Variants in RHOBTB3 observed in about 807,000 individuals in gnomAD.
RHOBTB3 encodes the protein Rho related BTB domain containing 3.
A neutral mutation model predicts 67.2 loss-of-function variants in RHOBTB3; 47 were observed. The ratio of observed to expected loss-of-function variants is 0.70; its 90% CI spans 0.55 to 0.89. The LOEUF is 0.89. Ranked by LOEUF, RHOBTB3 falls within the 40% of genes least tolerant of loss-of-function variation. The probability of loss-of-function intolerance (pLI) is 0.00; values close to 1 mark genes in which losing one functional copy is unlikely to be tolerated. For missense variants in RHOBTB3, 631 were observed against 750.0 expected, an observed-to-expected ratio of 0.84 and a Z score of 1.85; for synonymous variants, 273 against 274.2, an observed-to-expected ratio of 1.00 and a Z score of 0.04.
intron 8 of RHOBTB3, among the ~76,000 whole-genome samples, chr5:95,773,513 C>T (rs560935684): frequency 6.6e-6 from 1 of 152,314 alleles, no homozygotes; most frequent in East Asian, 1.9e-4. Context: ...CAGTTCCAGC[C>T]TTGGCTTTGC....
intron 4 of RHOBTB3, among the ~76,000 whole-genome samples, chr5:95,748,745 G>C (rs1423679784): frequency 6.6e-6 from 1 of 152,122 alleles, no homozygotes; most frequent in East Asian, 1.9e-4. Context: ...TTTGTTGTAT[G>C]TATCAAAAGC....
intron 8 of RHOBTB3, among the ~76,000 whole-genome samples, chr5:95,771,471 C>T (rs1021707723): frequency 6.6e-6 from 1 of 152,146 alleles, no homozygotes; most frequent in Non-Finnish European, 1.5e-5. Context: ...CAGTGTGAGC[C>T]TGGGACGCTG....
chr5:95,725,808 CTTT>C (rs201325391), intron 1 of RHOBTB3, among the ~76,000 whole-genome samples: 2 of 139,790 alleles, frequency 1.4e-5, no homozygotes, highest in Admixed American at 7.1e-5. Flanking sequence ...TGGAATTCTT[CTTT>C]TTTTTTTTTT....
At chr5:95,768,929 G>A (rs111526004) in intron 8 of RHOBTB3, 275 of 171,382 alleles carry the variant, frequency 1.6e-3, no homozygotes, top group Middle Eastern at 2.8e-3. Context: ...CGCCATGTGC[G>A]TCTTGCATTC....
At chr5:95,719,461 GA>G (rs1002796853) in intron 1 of RHOBTB3, among the ~76,000 whole-genome samples, 1 of 152,148 alleles carries the variant, frequency 6.6e-6, no homozygotes, top group African/African-American at 2.4e-5. Context: ...GGATATCAGG[GA>G]ATGGGGCAAG....
At chr5:95,770,764 T>C in intron 8 of RHOBTB3, 1 of 280,566 alleles carries the variant, frequency 3.6e-6, no homozygotes, top group Non-Finnish European at 7.3e-6. Flanking sequence ...CAAGGCAGTA[T>C]TTCTCACCAG....
At chr5:95,730,848 T>C (rs1271482494), upstream of RHOBTB3, 2 of 453,658 alleles carry the variant, frequency 4.4e-6, no homozygotes, top group Non-Finnish European at 8.9e-6. Flanking sequence ...AGTATGATTT[T>C]AGAAAACAGC....
At chr5:95,792,343 C>T (rs1322219245) in intron 11 of RHOBTB3, among the ~76,000 whole-genome samples, 4 of 144,088 alleles carry the variant, frequency 2.8e-5, no homozygotes, top group Admixed American at 2.2e-4. Context: ...GTCCAGATTG[C>T]GCCACTGCGC....
At chr5:95,723,899 G>C (rs983241766) in intron 1 of RHOBTB3, among the ~76,000 whole-genome samples, 2 of 152,098 alleles carry the variant, frequency 1.3e-5, no homozygotes, top group Non-Finnish European at 2.9e-5. Context: ...GAAAAAATGT[G>C]AGCACACTCC....
intron 8 of RHOBTB3, among the ~76,000 whole-genome samples, chr5:95,777,264 A>G (rs1359749320): frequency 6.6e-6 from 1 of 152,170 alleles, no homozygotes; most frequent in African/African-American, 2.4e-5. Flanking sequence ...CTTTTTTAGG[A>G]ATGAAACCAA....
chr5:95,719,528 C>G (rs1754800691), intron 1 of RHOBTB3: 1 of 152,200 alleles, frequency 6.6e-6, no homozygotes, highest in South Asian at 2.1e-4. Flanking sequence ...TACCCTGATA[C>G]TGGGTAGTGA....
intron 11 of RHOBTB3, among the ~76,000 whole-genome samples, chr5:95,792,412 A>G (rs1167272231): frequency 6.6e-6 from 1 of 150,692 alleles, no homozygotes; most frequent in African/African-American, 2.4e-5. Context: ...AGAAAAGAAA[A>G]GAAAAGAAAA....
rs34351922 is a variant in RHOBTB3 at position 95,736,888 on chromosome 5, G to A, written c.229-1G>A. On this transcript the variant is annotated splice_acceptor_variant, in intron 2 of 11. Coordinates refer to ENST00000379982, the MANE Select transcript of RHOBTB3 (RefSeq NM_014899.4). LOFTEE classifies it high-confidence loss of function. ...AGATTGCTATTTGCATTTTGGTTTA[G>A]GACATATTTGACAGTGATTGGTACA... 1 of 1,589,726 alleles carries A rather than the reference G, an allele frequency of 6.3e-7. No homozygotes were observed. The highest frequency in any genetic ancestry group is 8.5e-7 in the Non-Finnish European group (1 of 1,169,868).
chr5:95,791,654 C>T (rs1404405084), intron 11 of RHOBTB3, among the ~76,000 whole-genome samples: 1 of 151,964 alleles, frequency 6.6e-6, no homozygotes, highest in Non-Finnish European at 1.5e-5. Flanking sequence ...CCTCATCCTC[C>T]TCAGTAGCTG....
intron 3 of RHOBTB3, among the ~76,000 whole-genome samples, chr5:95,741,986 G>T (rs1022239597): frequency 3.3e-5 from 5 of 152,100 alleles, no homozygotes; most frequent in Non-Finnish European, 5.9e-5. Context: ...CTCCATATTT[G>T]CTTGCAGGGA....
At chr5:95,722,734 C>T (rs962374806) in intron 1 of RHOBTB3, among the ~76,000 whole-genome samples, 10 of 152,310 alleles carry the variant, frequency 6.6e-5, no homozygotes, top group African/African-American at 9.6e-5. Context: ...CCTCCCACCT[C>T]GGCTTCCCAA....
intron 1 of RHOBTB3, among the ~76,000 whole-genome samples, chr5:95,720,898 T>C (rs1231275682): frequency 6.6e-6 from 1 of 152,224 alleles, no homozygotes; most frequent in African/African-American, 2.4e-5. Context: ...AAAATGTCAT[T>C]TGTTGCCATA....
chr5:95,759,855 G>A (rs1429365692), intron 6 of RHOBTB3, among the ~76,000 whole-genome samples: 2 of 152,070 alleles, frequency 1.3e-5, no homozygotes, highest in Non-Finnish European at 2.9e-5. Context: ...GGTTGGTAAA[G>A]CAGAGGTTGA....
chr5:95,770,633 T>G (rs1745680695), intron 8 of RHOBTB3: 2 of 490,492 alleles, frequency 4.1e-6, no homozygotes, highest in South Asian at 1.6e-5. Context: ...ACAGCAGAAG[T>G]CACAGAAATT....
Sources: gnomAD v4.1 joint callset for allele counts (sites outside exome capture counted in the v4.1 genomes callset) on GRCh38, gnomAD v4.1.1 for gene constraint, MANE v1.5 for transcripts, NCBI Gene and HGNC (gene_info 2026-07-23, HGNC 2026-07-21) for gene names.